The following GGCX variants were observed in gnomAD, a reference collection of about 807,000 sequenced individuals.
The protein encoded by GGCX is gamma-glutamyl carboxylase.
A neutral mutation model predicts 88.5 loss-of-function variants in GGCX; 63 were observed. The ratio of observed to expected loss-of-function variants is 0.71; its 90% CI spans 0.58 to 0.88. GGCX has a LOEUF of 0.88. Among genes scored for constraint, GGCX ranks in the 40% least tolerant of loss-of-function variants. The probability of loss-of-function intolerance (pLI) is 0.00; values close to 1 mark genes in which losing one functional copy is unlikely to be tolerated. For synonymous variants in GGCX, 368 were observed against 365.8 expected, an observed-to-expected ratio of 1.01 and a Z score of -0.07; for missense variants, 805 against 932.9, an observed-to-expected ratio of 0.86 and a Z score of 1.79.
intron 11 of GGCX, 50 bp from the exon 12 acceptor site, chr2:85,551,660 A>G: frequency 6.2e-7 from 1 of 1,609,068 alleles, no homozygotes; most frequent in Non-Finnish European, 8.5e-7. Flanking sequence ...GAGTGAACTC[A>G]CTCCCAGCCA....
chr2:85,553,812 G>T, intron 7 of GGCX: 1 of 461,500 alleles, frequency 2.2e-6, no homozygotes, highest in South Asian at 2.1e-5. Context: ...TGTTGGTCAG[G>T]CCGGTCTCGA....
chr2:85,558,227 C>G (rs1692284714), intron 4 of GGCX, among the ~76,000 whole-genome samples: 1 of 152,160 alleles, frequency 6.6e-6, no homozygotes, highest in Non-Finnish European at 1.5e-5. Context: ...TAGGGAAAGA[C>G]TGAAGGGGTG....
rs775401922 is a variant in GGCX, at chr2:85,561,000, T to C, written c.44-15A>G. On this transcript the variant is annotated splice_polypyrimidine_tract_variant and intron_variant, in intron 1 of 14. Coordinates refer to ENST00000233838, the MANE Select transcript of GGCX (RefSeq NM_000821.7). The stretch of plus-strand genomic sequence containing the variant: ...CTGTACTTTATCTGCAATCAATAAA[T>C]GGAGAAAATATGTGTGCGGGGGTGG... The C allele has an allele frequency of 3.1e-6, 5 of 1,607,586 alleles. No individual in the cohort carries two copies. In the Admixed American group the frequency reaches 5.0e-5, roughly 16 times the overall value.
rs182110354 is a variant in GGCX, at chr2:85,561,391, C to A, written c.38G>T (p.Ser13Ile). Reference protein sequence around the residue: ...VSAGSARTSPSSDKVQKDKAE... With the variant: ...VSAGSARTSPISDKVQKDKAE... ...GGGCGGGGTCCTAAGCCTACCTGAG[C>A]TGGGCGAGGTCCGCGCGGACCCGGC... Residue 13 changes from serine to isoleucine, a missense_variant, in exon 1 of 15, where the codon AGC becomes ATC. Ser to Ile is a moderately radical substitution (Grantham distance 142). Transcript: ENST00000233838. 2.1e-4 allele frequency: 330 copies of A among 1,569,726 alleles called. No individual in the cohort carries two copies. In the African/African-American group the frequency reaches 3.8e-3, roughly 18 times the overall value.
rs1691779255 is a variant in GGCX, at chr2:85,548,537, G to C, written c.*1397C>G. 1 of 152,184 alleles carries C rather than the reference G, an allele frequency of 6.6e-6. No individual in the cohort carries two copies. The highest frequency in any genetic ancestry group is 1.5e-5 in the Non-Finnish European group (1 of 68,054). The allele number at this position is 152,184 out of a possible 1,614,324, so 9.4% of individuals were successfully genotyped here. On this transcript the variant is annotated 3_prime_UTR_variant, in exon 15 of 15. Transcript: ENST00000233838. ...GTATACTGAAAAAGCAGTTGCTTAG[G>C]AAAGAACCCCCGGAACACTGTCCAA...
At chr2:85,554,349 A>G (rs1692110931) in intron 6 of GGCX, 43 bp from the exon 7 acceptor site, 1 of 1,590,316 alleles carries the variant, frequency 6.3e-7, no homozygotes. Context: ...CCCACTGGAG[A>G]ACACATCAAA....
intron 7 of GGCX, chr2:85,553,720 C>T: frequency 3.6e-6 from 2 of 551,132 alleles, no homozygotes; most frequent in Non-Finnish European, 6.5e-6. Flanking sequence ...TTGCCTCAGC[C>T]TCCCAAGTAG....
At chr2:85,551,744 A>C in intron 11 of GGCX, 68 bp downstream of exon 11, 1 of 1,564,070 alleles carries the variant, frequency 6.4e-7, no homozygotes, top group African/African-American at 1.4e-5. Flanking sequence ...CTCCCACCAC[A>C]TGGAATGTCC....
rs1043078440 is a variant in GGCX, at chr2:85,553,209, T to C, written c.1155+23A>G. 2.5e-6 allele frequency: 4 copies of C among 1,613,786 alleles called. No homozygotes were observed. The African/African-American group carries it at 5.3e-5, about 22-fold the overall frequency. On this transcript the variant is annotated intron_variant, in intron 8 of 14. Coordinates refer to ENST00000233838, the MANE Select transcript of GGCX (RefSeq NM_000821.7). ...TCCTTTCTAAGTCCAGCCTTTGCTGTACACTCCACAGCCCCTACAAACCTG... is the reference window on the plus strand; with the variant it reads ...TCCTTTCTAAGTCCAGCCTTTGCTGCACACTCCACAGCCCCTACAAACCTG...
rs1238705522 is a variant in GGCX, at chr2:85,545,979, T to C, written c.*3955A>G. On this transcript the variant is annotated 3_prime_UTR_variant, in exon 15 of 15. Coordinates refer to ENST00000233838, the MANE Select transcript of GGCX (RefSeq NM_000821.7). Reference sequence around the variant, plus strand: ...GTAGAAAATCCGCAGACCACACTGCTCTTGAACCTAGGAGCTACATGCATA... The same window carrying C: ...GTAGAAAATCCGCAGACCACACTGCCCTTGAACCTAGGAGCTACATGCATA... 1.3e-5 allele frequency: 2 copies of C among 152,206 alleles called. No homozygotes were observed. Among genetic ancestry groups the C allele is most frequent in the Non-Finnish European group, 2.9e-5 (2 of 68,032 alleles). The allele number at this position is 152,206 out of a possible 1,614,324, so 9.4% of individuals were successfully genotyped here.
rs1166426235 is a variant in GGCX at position 85,544,755 on chromosome 2, C to T, written c.*5179G>A. The T allele has an allele frequency of 6.6e-6, 1 of 152,518 alleles. No individual in the cohort carries two copies. The highest frequency in any genetic ancestry group is 1.5e-5 in the Non-Finnish European group (1 of 68,032). 9.4% of individuals were successfully genotyped at this position (152,518 alleles called of 1,614,324 possible). On this transcript the variant is annotated 3_prime_UTR_variant, in exon 15 of 15. Coordinates refer to ENST00000233838, the MANE Select transcript of GGCX (RefSeq NM_000821.7). ...TTTGTTTTATTTTCAAAACCAGGTC[C>T]AATGAGCTTTCTGAACAGCTGGTGT...
chr2:85,551,019 G>C lies in GGCX; in HGVS notation c.1794C>G (p.Cys598Trp). 1 of 1,613,470 alleles carries C rather than the reference G, an allele frequency of 6.2e-7. No individual in the cohort carries two copies. Among genetic ancestry groups the C allele is most frequent in the Non-Finnish European group, 8.5e-7 (1 of 1,179,364 alleles). ...TAGTGTTGACATAGACGTACATGTA[G>C]CAAGAAGGGCTAGGTGATGTCGTAT... ...KVYTTSPSPS[C>W]YMYVYVNTTE... The change falls in exon 13 of 15, where the codon TGC becomes TGG. Residue 598 changes from cysteine (C) to tryptophan (W), a missense_variant. Cys to Trp is a radical substitution (Grantham distance 215). Transcript: ENST00000233838.
At chr2:85,551,136 T>C in intron 12 of GGCX, 64 bp from the exon 13 acceptor site, 1 of 1,445,596 alleles carries the variant, frequency 6.9e-7, no homozygotes, top group Non-Finnish European at 9.7e-7. Flanking sequence ...ATGGCCTCCC[T>C]ACTCTATGAC....
At chr2:85,555,889 C>T (rs1286677693) in intron 5 of GGCX, among the ~76,000 whole-genome samples, 3 of 152,168 alleles carry the variant, frequency 2.0e-5, no homozygotes, top group African/African-American at 7.2e-5. Flanking sequence ...CCAATGTCAG[C>T]GACAGTATCA....
chr2:85,554,491 A>C (rs1307423582), intron 6 of GGCX, 185 bp from the exon 7 acceptor site: 3 of 513,924 alleles, frequency 5.8e-6, no homozygotes, highest in African/African-American at 5.2e-5. Context: ...GTTGAAACGA[A>C]GTTTCACTCT....
At chr2:85,554,342 A>T in intron 6 of GGCX, 36 bp from the exon 7 acceptor site, 1 of 1,599,970 alleles carries the variant, frequency 6.3e-7, no homozygotes, top group East Asian at 2.2e-5. Context: ...GCACCAGCCC[A>T]CTGGAGAACA....
chr2:85,556,373 C>G, intron 4 of GGCX, 113 bp from the exon 5 acceptor site: 1 of 734,466 alleles, frequency 1.4e-6, no homozygotes, highest in South Asian at 1.5e-5. Context: ...CCCATATCCT[C>G]CCTGGTTATT....
chr2:85,551,773 A>G, intron 11 of GGCX, 39 bp downstream of exon 11: 1 of 1,601,648 alleles, frequency 6.2e-7, no homozygotes. Flanking sequence ...GGAAGCCAGA[A>G]GGAAAGACAG....
chr2:85,560,892 G>A lies in GGCX; in HGVS notation c.137C>T (p.Ser46Phe), dbSNP rs201510718. 6.2e-6 allele frequency: 10 copies of A among 1,613,718 alleles called. No homozygotes were observed. The highest frequency in any genetic ancestry group is 7.6e-6 in the Non-Finnish European group (9 of 1,179,720). The change falls in exon 2 of 15, where the codon TCC (serine) becomes TTC (phenylalanine). Residue 46 changes from serine (S) to phenylalanine (F), a missense_variant. This residue lies in a region of GGCX where 64 missense variants were observed against 57.4 expected (regional missense o/e 1.12). Coordinates refer to ENST00000233838, the MANE Select transcript of GGCX (RefSeq NM_000821.7). ...KLLGFEWTDL[S>F]SWRRLVTLLN... ...CAGGGTCACCAGCCTCCGCCAACTG[G>A]ACAAATCTGTCCACTCAAAACCCAA...
Sources: allele counts gnomAD v4.1 joint callset (sites outside exome capture counted in the v4.1 genomes callset), GRCh38; gene constraint gnomAD v4.1.1; regional missense constraint gnomAD v4.1.1; transcripts MANE v1.5; gene names NCBI Gene and HGNC (gene_info 2026-07-23, HGNC 2026-07-21).